FAM107A: variants seen among roughly 807,000 people sequenced by gnomAD.
The protein encoded by FAM107A is family with sequence similarity 107 member A.
Under a neutral mutation model 13.7 loss-of-function variants are expected in FAM107A, and 19 were observed. The observed-to-expected ratio is 1.38, with a 90% CI of 0.97 to 2.03. FAM107A has a LOEUF of 2.03. FAM107A is among the 30% of genes most tolerant of loss of function. FAM107A has a pLI of 0.00. For synonymous variants in FAM107A, 82 were observed against 74.5 expected, an observed-to-expected ratio of 1.10 and a Z score of -0.52; for missense variants, 203 against 184.4, an observed-to-expected ratio of 1.10 and a Z score of -0.58.
At chr3:58,597,065 T>A (rs1263424337) in intron 1 of FAM107A, among the ~76,000 whole-genome samples, 1 of 152,226 alleles carries the variant, frequency 6.6e-6, no homozygotes, top group African/African-American at 2.4e-5. Context: ...TTCCATTTGG[T>A]GGCTATGTCA....
chr3:58,625,097 A>T (rs1170364642), intron 1 of FAM107A, among the ~76,000 whole-genome samples: 1 of 152,160 alleles, frequency 6.6e-6, no homozygotes, highest in Non-Finnish European at 1.5e-5. Flanking sequence ...CCTACCCAAT[A>T]AAAATGAGAA....
intron 1 of FAM107A, among the ~76,000 whole-genome samples, chr3:58,586,579 C>G (rs184226161): frequency 1.8e-4 from 28 of 152,192 alleles, no homozygotes; most frequent in African/African-American, 6.5e-4. Context: ...GTCCCAGCTA[C>G]TCGGGAGGCT....
chr3:58,566,213 G>A lies in FAM107A; in HGVS notation c.*375C>T, dbSNP rs1404257545. The A allele has an allele frequency of 1.1e-5, 2 of 181,294 alleles. No homozygotes were observed. Among genetic ancestry groups the A allele is most frequent in the South Asian group, 1.7e-4 (1 of 5,802 alleles). The allele number at this position is 181,294 out of a possible 1,614,324, so 11.2% of individuals were successfully genotyped here. A position where few individuals can be genotyped will look rare whatever the true frequency, so the allele number is the denominator to read the frequency against. Reference sequence around the variant, plus strand: ...GAGCTGGGGTGTACGGAGAAGCGGGGCCCTGGGGAGCCTCGGAGATTCCTG... The same window carrying A: ...GAGCTGGGGTGTACGGAGAAGCGGGACCCTGGGGAGCCTCGGAGATTCCTG... On this transcript the variant is annotated 3_prime_UTR_variant, in exon 4 of 4. Coordinates refer to ENST00000360997, the MANE Select transcript of FAM107A (RefSeq NM_001076778.3).
chr3:58,567,455 A>T (rs2063634535), intron 2 of FAM107A, 91 bp from the exon 3 acceptor site: 2 of 1,378,166 alleles, frequency 1.5e-6, no homozygotes, highest in Non-Finnish European at 2.0e-6. Context: ...ACCAACCCCC[A>T]TTATTATCTT....
At chr3:58,577,559 C>A, upstream of FAM107A, 2 of 985,382 alleles carry the variant, frequency 2.0e-6, no homozygotes, top group African/African-American at 1.7e-5. The surrounding 1 kb of genome is among the most constrained non-coding windows in gnomAD (Gnocchi z 4.9). Flanking sequence ...TTCCACGATG[C>A]GGAACATCAT....
At chr3:58,585,504 A>C (rs1330813583) in intron 1 of FAM107A, among the ~76,000 whole-genome samples, 1 of 152,248 alleles carries the variant, frequency 6.6e-6, no homozygotes, top group African/African-American at 2.4e-5. Flanking sequence ...TTAAGCGGGA[A>C]GGGCGAGCAG....
rs1211138227 is a variant in FAM107A, at chr3:58,604,268, T to C, written c.-69-14999A>G. Among the ~76,000 whole-genome samples, 1 of 152,064 alleles carries C rather than the reference T, an allele frequency of 6.6e-6. No homozygotes were observed. The highest frequency in any genetic ancestry group is 1.9e-4 in the East Asian group (1 of 5,182). ...GCCCACAATTCAACATTATTATACT[T>C]GGGAGAGTGACATCCCAACTCGTGC... On this transcript the variant is annotated intron_variant, in intron 1 of 3. Transcript: ENST00000465970. This position sits in a 1 kb window ranked among gnomAD's most constrained non-coding sequence, Gnocchi z 4.1.
intron 1 of FAM107A, among the ~76,000 whole-genome samples, chr3:58,619,616 C>A (rs939821820): frequency 9.3e-4 from 141 of 152,304 alleles, no homozygotes; most frequent in African/African-American, 3.3e-3. Context: ...CCTTCAGTGC[C>A]CCAGGTCCTA....
intron 1 of FAM107A, among the ~76,000 whole-genome samples, chr3:58,582,924 G>A (rs772083034): frequency 8.0e-4 from 121 of 152,090 alleles, no homozygotes; most frequent in Non-Finnish European, 3.4e-4. Context: ...TCAGCCTCCC[G>A]AGTAGCTGGC....
intron 1 of FAM107A, among the ~76,000 whole-genome samples, chr3:58,596,408 T>C (rs553870221): frequency 3.3e-5 from 5 of 152,190 alleles, no homozygotes; most frequent in Middle Eastern, 3.4e-3. Context: ...CTGGGTGCGG[T>C]GGCTCACGCC....
Position 58,627,367 on chromosome 3 carries a change from C to T in FAM107A, c.-70+49G>A, listed in dbSNP as rs57656062. ...TCATCACACACCGGTAGCTCAGGCG[C>T]GGCGGGTGACCTCTGCCTGGCCCAG... On this transcript the variant is annotated intron_variant, in intron 1 of 3. Coordinates refer to the FAM107A transcript ENST00000465970. 3.7e-3 allele frequency: 888 copies of T among 238,232 alleles called. 9 individuals are homozygous for T. Among genetic ancestry groups the T allele is most frequent in the African/African-American group, 0.018 (805 of 44,802 alleles). 14.8% of individuals were successfully genotyped at this position (238,232 alleles called of 1,614,324 possible). A position where few individuals can be genotyped will look rare whatever the true frequency, so the allele number is the denominator to read the frequency against.
At position 58,564,486 on chromosome 3, in the gene FAM107A, T is replaced by A. The variant is rs1411569841; in HGVS notation, c.*2102A>T. The stretch of plus-strand genomic sequence containing the variant: ...AGTTGGAGTGGCTGGAGATACAGAG[T>A]TGGGACGACCCCTGAAAAGTGAACC... On this transcript the variant is annotated 3_prime_UTR_variant, in exon 4 of 4. Coordinates refer to ENST00000360997, the MANE Select transcript of FAM107A (RefSeq NM_001076778.3). The surrounding 1 kb of genome is among the most constrained non-coding windows in gnomAD (Gnocchi z 5.6). 1.3e-5 allele frequency: 2 copies of A among 152,124 alleles called. No homozygotes were observed. The highest frequency in any genetic ancestry group is 4.8e-5 in the African/African-American group (2 of 41,418). The allele number at this position is 152,124 out of a possible 1,614,324, so 9.4% of individuals were successfully genotyped here. A position where few individuals can be genotyped will look rare whatever the true frequency, so the allele number is the denominator to read the frequency against.
In FAM107A at chr3:58,569,417, C is replaced by T. The variant is rs533434886; in HGVS notation, c.170+274G>A. On this transcript the variant is annotated intron_variant, in intron 2 of 3. Transcript: ENST00000360997. The surrounding 1 kb of genome is among the most constrained non-coding windows in gnomAD (Gnocchi z 5.7). ...CCAGGTCTGGGCTCAGTGCCCAGCA[C>T]ATAGTAGGTACTCAGTAAATGTATC... Among the ~76,000 whole-genome samples, 1 of 152,302 alleles carries T rather than the reference C, an allele frequency of 6.6e-6. No individual in the cohort carries two copies. The highest frequency in any genetic ancestry group is 2.1e-4 in the South Asian group (1 of 4,826).
intron 1 of FAM107A, among the ~76,000 whole-genome samples, chr3:58,609,702 C>T (rs1401555100): frequency 1.3e-5 from 2 of 152,154 alleles, no homozygotes; most frequent in Non-Finnish European, 2.9e-5. Flanking sequence ...CTCAGAGCCA[C>T]CTAGGGGGTC....
At chr3:58,582,858 G>C (rs541279570) in intron 1 of FAM107A, among the ~76,000 whole-genome samples, 7 of 152,308 alleles carry the variant, frequency 4.6e-5, no homozygotes, top group African/African-American at 1.7e-4. Flanking sequence ...GAGGGCAGTG[G>C]CACGATTTCG....
upstream of FAM107A, among the ~76,000 whole-genome samples, chr3:58,590,285 C>A (rs1194877259): frequency 2.6e-5 from 4 of 152,200 alleles, no homozygotes; most frequent in East Asian, 7.7e-4. Context: ...TTGCTCAGAC[C>A]AGGAGGCTGG....
exon 1 of FAM107A, chr3:58,587,022 C>T (rs947535905): frequency 1.5e-6 from 2 of 1,375,792 alleles, no homozygotes; most frequent in African/African-American, 1.5e-5. Flanking sequence ...AGCGCCTCCG[C>T]GACGGTGACG....
chr3:58,583,586 C>T (rs991006234), intron 1 of FAM107A, among the ~76,000 whole-genome samples: 1 of 151,308 alleles, frequency 6.6e-6, no homozygotes, highest in Non-Finnish European at 1.5e-5. Flanking sequence ...CCCGCCATTG[C>T]ACTCCACCCT....
At chr3:58,585,869 T>C (rs1279465413) in intron 1 of FAM107A, among the ~76,000 whole-genome samples, 1 of 152,250 alleles carries the variant, frequency 6.6e-6, no homozygotes, top group Non-Finnish European at 1.5e-5. Context: ...TGGTCATATA[T>C]TAGGTTAACT....
Sources: gnomAD v4.1 joint callset for allele counts (sites outside exome capture counted in the v4.1 genomes callset) on GRCh38, gnomAD v4.1.1 for gene constraint, Gnocchi (gnomAD v3.1) non-coding constraint, MANE v1.5 for transcripts, NCBI Gene and HGNC (gene_info 2026-07-23, HGNC 2026-07-21) for gene names.